Variants in LRP1B observed in about 807,000 individuals in gnomAD.
LRP1B encodes low-density lipoprotein receptor-related protein 1B.
LRP1B carries 217 observed loss-of-function variants against 556.6 expected under a neutral mutation model. The observed-to-expected ratio is 0.39, with a 90% CI of 0.35 to 0.44. The LOEUF (loss-of-function observed/expected upper bound fraction) is 0.44. Among genes scored for constraint, LRP1B ranks in the 20% least tolerant of loss-of-function variants. The pLI, the probability that LRP1B is intolerant of heterozygous loss-of-function variation, is 1.00. For missense variants in LRP1B, 5,053 were observed against 5,620.8 expected, an observed-to-expected ratio of 0.90 and a Z score of 3.23; for synonymous variants, 2,047 against 1,865.8, an observed-to-expected ratio of 1.10 and a Z score of -2.50.
chr2:141,449,544 C>G (rs1392529079), intron 3 of LRP1B, among the ~76,000 whole-genome samples: 2 of 151,936 alleles, frequency 1.3e-5, no homozygotes, highest in African/African-American at 4.8e-5. Flanking sequence ...TCTACTTTGC[C>G]GTCCCTACAT....
At chr2:141,810,544 C>T in intron 1 of LRP1B, 143 bp from the exon 2 acceptor site, 1 of 848,230 alleles carries the variant, frequency 1.2e-6, no homozygotes, top group Non-Finnish European at 1.8e-6. Context: ...CAAAGACAAA[C>T]CAATTATTTT....
At chr2:140,537,760 T>C (rs10190721) in intron 45 of LRP1B, among the ~76,000 whole-genome samples, 69,395 of 152,018 alleles carry the variant, frequency 0.46, 16,351 homozygotes, top group East Asian at 0.58. Context: ...TTTGTCCTAG[T>C]TTGTAAGCCA....
intron 2 of LRP1B, among the ~76,000 whole-genome samples, chr2:141,578,121 C>T (rs1366249855): frequency 3.3e-5 from 5 of 152,134 alleles, no homozygotes; most frequent in Admixed American, 6.6e-5. Context: ...GTCAGCTGGG[C>T]GCAGTGCCTC....
intron 41 of LRP1B, among the ~76,000 whole-genome samples, chr2:140,608,067 A>G (rs935567828): frequency 1.3e-5 from 2 of 151,994 alleles, no homozygotes; most frequent in Admixed American, 6.6e-5. Context: ...AAAATTAAAC[A>G]AATTAAAAAT....
intron 11 of LRP1B, 51 bp downstream of exon 11, chr2:141,048,935 A>G (rs1574020114): frequency 7.4e-7 from 1 of 1,359,774 alleles, no homozygotes; most frequent in Non-Finnish European, 1.1e-6. Flanking sequence ...TTATCCTTTT[A>G]AAGTGCTTCA....
intron 2 of LRP1B, among the ~76,000 whole-genome samples, chr2:141,748,551 C>T (rs1406818327): frequency 2.0e-5 from 3 of 152,152 alleles, no homozygotes; most frequent in African/African-American, 7.2e-5. Context: ...TGGTCTGTGA[C>T]AGAAGAAACC....
chr2:141,096,627 GGGGAGAGAGAGAGAGA>G lies in LRP1B; in HGVS notation c.1014-34370_1014-34355del, dbSNP rs1362094163. Among the ~76,000 whole-genome samples the G allele has an allele frequency of 8.6e-3, 436 of 50,544 alleles. 2 individuals carry two copies. The highest frequency in any genetic ancestry group is 0.012 in the Non-Finnish European group (314 of 26,122). The allele number at this position is 50,544 out of a possible 152,430, so 33.2% of individuals were successfully genotyped here. On this transcript the variant is annotated intron_variant, in intron 7 of 90. Coordinates refer to ENST00000389484, the MANE Select transcript of LRP1B (RefSeq NM_018557.3). ...GCCTGAATGACAAAGACGGGGAGAG[GGGGAGAGAGAGAGAGA>G]GAGAGAGAGAGAGAGAGAGAGAGAG...
At chr2:141,651,042 G>A (rs187017877) in intron 2 of LRP1B, among the ~76,000 whole-genome samples, 60 of 152,150 alleles carry the variant, frequency 3.9e-4, no homozygotes, top group Non-Finnish European at 7.4e-4. Context: ...TATCCATGCC[G>A]GACTTTACAA....
intron 2 of LRP1B, among the ~76,000 whole-genome samples, chr2:141,518,194 G>C (rs2105167503): frequency 6.6e-6 from 1 of 152,112 alleles, no homozygotes; most frequent in Non-Finnish European, 1.5e-5. Context: ...GAAGGCAAAG[G>C]AAAGAGCAGA....
intron 2 of LRP1B, among the ~76,000 whole-genome samples, chr2:141,657,926 T>C (rs886198554): frequency 2.0e-5 from 3 of 152,174 alleles, no homozygotes; most frequent in African/African-American, 7.2e-5. Context: ...TTTCTATTAA[T>C]TGAAAAAGGT....
intron 29 of LRP1B, among the ~76,000 whole-genome samples, chr2:140,846,583 G>T (rs773752163): frequency 2.0e-5 from 3 of 151,888 alleles, no homozygotes; most frequent in African/African-American, 7.3e-5. Context: ...AAAGAAAATG[G>T]CCCACTTGAG....
intron 2 of LRP1B, among the ~76,000 whole-genome samples, chr2:141,610,593 G>A (rs1436827637): frequency 6.6e-6 from 1 of 152,034 alleles, no homozygotes; most frequent in Non-Finnish European, 1.5e-5. Flanking sequence ...CCCCTCATGG[G>A]TACCTCATTG....
chr2:141,587,362 G>A (rs1281924040), intron 2 of LRP1B, among the ~76,000 whole-genome samples: 1 of 152,160 alleles, frequency 6.6e-6, no homozygotes, highest in Non-Finnish European at 1.5e-5. Flanking sequence ...AGCTGACCTG[G>A]CATTATAGAA....
chr2:140,237,159 C>A lies in LRP1B; in HGVS notation c.13560+993G>T, dbSNP rs1445992143. 2.0e-5 allele frequency among the ~76,000 whole-genome samples: 3 copies of A among 150,834 alleles called. No individual in the cohort carries two copies. The East Asian group carries it at 5.9e-4, about 30-fold the overall frequency. On this transcript the variant is annotated intron_variant, in intron 89 of 90. Transcript: ENST00000389484. ...TGACTTTGTACCCATTGAACAACAC[C>A]TATTTTCCTTCCTCCTCCCCTCTCC...
At chr2:141,978,088 T>TA (rs2105089375) in intron 1 of LRP1B, among the ~76,000 whole-genome samples, 1 of 152,274 alleles carries the variant, frequency 6.6e-6, no homozygotes, top group South Asian at 2.1e-4. Context: ...TATCCTGTAT[T>TA]AATTTATTCT....
chr2:141,770,820 G>A (rs1037369984), intron 2 of LRP1B, among the ~76,000 whole-genome samples: 1 of 152,176 alleles, frequency 6.6e-6, no homozygotes, highest in African/African-American at 2.4e-5. Flanking sequence ...GTGGAAATGA[G>A]TTGCCTGTTA....
At chr2:141,423,206 G>C (rs1416046996) in intron 3 of LRP1B, among the ~76,000 whole-genome samples, 1 of 150,674 alleles carries the variant, frequency 6.6e-6, no homozygotes, top group African/African-American at 2.4e-5. Flanking sequence ...CACATGTATT[G>C]CATTGGCTGA....
chr2:140,262,657 TAATA>T (rs1219591523), intron 86 of LRP1B, among the ~76,000 whole-genome samples: 1 of 152,080 alleles, frequency 6.6e-6, no homozygotes, highest in Non-Finnish European at 1.5e-5. Flanking sequence ...GTGAGCAGAA[TAATA>T]AATGTAAATA....
intron 41 of LRP1B, among the ~76,000 whole-genome samples, chr2:140,674,852 T>C (rs1000619703): frequency 1.2e-4 from 18 of 152,216 alleles, no homozygotes; most frequent in African/African-American, 1.7e-4. Flanking sequence ...GATACAAAAT[T>C]CCTATTTGTT....
Sources: gnomAD v4.1 joint callset for allele counts (sites outside exome capture counted in the v4.1 genomes callset) on GRCh38, gnomAD v4.1.1 for gene constraint, MANE v1.5 for transcripts, NCBI Gene and HGNC (gene_info 2026-07-23, HGNC 2026-07-21) for gene names.